The following ZCCHC7 variants were observed in gnomAD, a reference collection of about 807,000 sequenced individuals.
ZCCHC7 encodes the protein zinc finger CCHC-type containing 7, also known as zinc finger CCHC domain-containing protein 7.
Under a neutral mutation model 52.0 loss-of-function variants are expected in ZCCHC7, and 35 were observed. The observed-to-expected ratio is 0.67, with a 90% CI of 0.51 to 0.89. The LOEUF (loss-of-function observed/expected upper bound fraction) is 0.89, where lower values mean the gene tolerates loss of function less well. Ranked by LOEUF, ZCCHC7 falls within the 40% of genes least tolerant of loss-of-function variation. The pLI, the probability that ZCCHC7 is intolerant of heterozygous loss-of-function variation, is 0.00. For synonymous variants in ZCCHC7, 217 were observed against 221.5 expected (o/e 0.98, Z 0.18); for missense variants, 574 against 649.1 (o/e 0.88, Z 1.26).
intron 2 of ZCCHC7, among the ~76,000 whole-genome samples, chr9:37,244,825 A>G (rs1331959510): frequency 6.6e-6 from 1 of 151,826 alleles, no homozygotes; most frequent in Non-Finnish European, 1.5e-5. Context: ...TTAAGTCAGT[A>G]GTGAAGAATG....
At chr9:37,344,314 A>T (rs1820819521) in intron 6 of ZCCHC7, among the ~76,000 whole-genome samples, 1 of 152,144 alleles carries the variant, frequency 6.6e-6, no homozygotes, top group South Asian at 2.1e-4. Flanking sequence ...CTAGTTATTG[A>T]TCACCTACCA....
chr9:37,309,188 G>A (rs910125283), intron 5 of ZCCHC7, among the ~76,000 whole-genome samples: 2 of 152,024 alleles, frequency 1.3e-5, no homozygotes, highest in African/African-American at 2.4e-5. Context: ...GGATTCCCTC[G>A]CAGCCCAGTC....
intron 2 of ZCCHC7, chr9:37,284,029 C>G (rs1048542115): frequency 6.6e-6 from 1 of 151,792 alleles, no homozygotes; most frequent in African/African-American, 2.4e-5. Context: ...TGTACCTGAA[C>G]GAATCAGCAG....
intron 2 of ZCCHC7, among the ~76,000 whole-genome samples, chr9:37,287,979 G>A (rs182030778): frequency 6.6e-6 from 1 of 151,972 alleles, no homozygotes; most frequent in East Asian, 1.9e-4. Flanking sequence ...AAGACCTTCT[G>A]TCAATATTCT....
rs190969738 is a variant in ZCCHC7 at position 37,126,931 on chromosome 9, C to G, written c.599C>G (p.Ser200Cys). ...ILLNLVGCENSVTEGEDGINW... is the reference protein window; with the variant it reads ...ILLNLVGCENCVTEGEDGINW... ...CTCAACCTTGTGGGATGTGAAAACT[C>G]TGTTACTGAAGGTTAGTATCATATT... is the stretch of plus-strand genomic sequence containing the variant. The change falls in exon 2 of 9, where the codon TCT becomes TGT. Residue 200 changes from serine to cysteine, a missense_variant. Physicochemically the swap from Ser to Cys is moderately radical, Grantham distance 112. Transcript: ENST00000336755. 6 of 1,613,208 alleles carry G rather than the reference C, an allele frequency of 3.7e-6. No homozygotes were observed. The African/African-American group carries it at 5.3e-5, about 14-fold the overall frequency.
rs763621620 is a variant in ZCCHC7, at chr9:37,357,084, C to T, written c.1448C>T (p.Pro483Leu). Residue 483 changes from proline (P) to leucine (L), a missense_variant, in exon 9 of 9, where the codon CCT becomes CTT. Transcript: ENST00000336755. ...AGGGGCCCCAAAACCTACTCTTCTC[C>T]TGGCAGTTTTAAAACCCAGAAGCCT... The part of the protein sequence containing the change: ...FPRGPKTYSS[P>L]GSFKTQKPSK... 5.6e-6 allele frequency: 9 copies of T among 1,613,782 alleles called. No homozygotes were observed. The highest frequency in any genetic ancestry group is 2.2e-5 in the South Asian group (2 of 91,064).
At chr9:37,286,182 A>G (rs1828200272) in intron 2 of ZCCHC7, among the ~76,000 whole-genome samples, 1 of 152,240 alleles carries the variant, frequency 6.6e-6, no homozygotes. Context: ...GAGATTATAT[A>G]GCATATTGGT....
At chr9:37,180,127 A>G (rs990168944) in intron 2 of ZCCHC7, among the ~76,000 whole-genome samples, 5 of 152,180 alleles carry the variant, frequency 3.3e-5, no homozygotes, top group Non-Finnish European at 7.4e-5. Flanking sequence ...ATTTGAATTA[A>G]AAATTAGGCA....
In ZCCHC7 at chr9:37,314,428, C is replaced by G. The variant is rs188301105; in HGVS notation, c.951+8714C>G. ...ATTTCAAACTTATTATATGCCACCC[C>G]TTTTTAAAACTAAATCCAGGTATAA... On this transcript the variant is annotated intron_variant, in intron 5 of 8. Coordinates refer to ENST00000336755, the MANE Select transcript of ZCCHC7 (RefSeq NM_032226.3). 3.3e-5 allele frequency among the ~76,000 whole-genome samples: 5 copies of G among 152,260 alleles called. No homozygotes were observed. In the East Asian group the frequency reaches 9.7e-4, roughly 29 times the overall value.
intron 2 of ZCCHC7, among the ~76,000 whole-genome samples, chr9:37,245,035 A>G (rs183386084): frequency 6.6e-6 from 1 of 152,096 alleles, no homozygotes; most frequent in East Asian, 1.9e-4. Flanking sequence ...TTATTCTTGT[A>G]GAAAATGACT....
At chr9:37,301,593 C>G (rs1829031921) in intron 2 of ZCCHC7, among the ~76,000 whole-genome samples, 1 of 151,946 alleles carries the variant, frequency 6.6e-6, no homozygotes, top group African/African-American at 2.4e-5. Context: ...GAGCAAGACC[C>G]TGTCTCCAAA....
In ZCCHC7 at chr9:37,154,135, C is replaced by T. The variant is rs555654349; in HGVS notation, c.610+27193C>T. On this transcript the variant is annotated intron_variant, in intron 2 of 8. Coordinates refer to ENST00000336755, the MANE Select transcript of ZCCHC7 (RefSeq NM_032226.3). ...GAACTCCTGGCCTCAAGTGTCCTCC[C>T]GCCTCAGCCTCCCAAAGTAGCTGGA... 2.4e-4 allele frequency among the ~76,000 whole-genome samples: 36 copies of T among 152,106 alleles called. 1 individual carries two copies. The South Asian group carries it at 6.2e-3, about 26-fold the overall frequency.
At position 37,176,137 on chromosome 9, in the gene ZCCHC7, G is replaced by A. The variant is rs372621182; in HGVS notation, c.610+49195G>A. Among the ~76,000 whole-genome samples, 373 of 152,190 alleles carry A rather than the reference G, an allele frequency of 2.5e-3. 4 individuals carry two copies. The highest frequency in any genetic ancestry group is 8.1e-3 in the African/African-American group (335 of 41,530). The stretch of plus-strand genomic sequence containing the variant: ...CACCCAGGCTGGAGTCCAGTGGCTC[G>A]ATCTTGGCTCACTGCAAGTGCCGCC... On this transcript the variant is annotated intron_variant, in intron 2 of 8. Coordinates refer to ENST00000336755, the MANE Select transcript of ZCCHC7 (RefSeq NM_032226.3).
chr9:37,191,944 C>T (rs1008327111), intron 2 of ZCCHC7, among the ~76,000 whole-genome samples: 1 of 152,186 alleles, frequency 6.6e-6, no homozygotes, highest in Non-Finnish European at 1.5e-5. Flanking sequence ...CTGTAGAAAA[C>T]CGCCTAACAG....
intron 6 of ZCCHC7, 33 bp from the exon 7 acceptor site, chr9:37,349,323 CA>C: frequency 6.3e-7 from 1 of 1,599,198 alleles, no homozygotes; most frequent in Non-Finnish European, 8.5e-7. Context: ...TTTCTTCTAA[CA>C]TCAACAAACC....
At chr9:37,173,576 G>A (rs576371628) in intron 2 of ZCCHC7, among the ~76,000 whole-genome samples, 1 of 152,268 alleles carries the variant, frequency 6.6e-6, no homozygotes, top group East Asian at 1.9e-4. Context: ...CTATTGTATA[G>A]AGCCAAATAC....
chr9:37,269,434 G>A (rs1588581878), intron 2 of ZCCHC7, among the ~76,000 whole-genome samples: 1 of 151,422 alleles, frequency 6.6e-6, no homozygotes, highest in East Asian at 1.9e-4. Context: ...CCTGGGCAAC[G>A]TAGTGAGATC....
At chr9:37,270,934 A>G (rs1007162701) in intron 2 of ZCCHC7, among the ~76,000 whole-genome samples, 5 of 152,170 alleles carry the variant, frequency 3.3e-5, no homozygotes, top group African/African-American at 4.8e-5. Flanking sequence ...TATAGTGTCA[A>G]TTATATGAAC....
intron 2 of ZCCHC7, among the ~76,000 whole-genome samples, chr9:37,281,983 G>T (rs760503723): frequency 7.2e-5 from 11 of 152,128 alleles, no homozygotes; most frequent in Non-Finnish European, 1.5e-4. Context: ...GGTTCCTAAG[G>T]TCCCAGAGTT....
Sources: gnomAD v4.1 joint callset for allele counts (sites outside exome capture counted in the v4.1 genomes callset) on GRCh38, gnomAD v4.1.1 for gene constraint, MANE v1.5 for transcripts, NCBI Gene and HGNC (gene_info 2026-07-23, HGNC 2026-07-21) for gene names.